FAT3: variants seen among roughly 807,000 people sequenced by gnomAD.
The protein encoded by FAT3 is protocadherin Fat 3.
In FAT3, 95 loss-of-function variants were observed where a neutral mutation model predicts 310.2. The ratio of observed to expected loss-of-function variants is 0.31; its 90% CI spans 0.26 to 0.36. The LOEUF is 0.36. Among genes scored for constraint, FAT3 ranks in the 10% least tolerant of loss-of-function variants. The pLI is 1.00. For synonymous variants in FAT3, 2,314 were observed against 2,192.9 expected, an observed-to-expected ratio of 1.06 and a Z score of -1.54; for missense variants, 5,408 against 5,715.6, an observed-to-expected ratio of 0.95 and a Z score of 1.74.
chr11:92,444,243 G>C (rs1341444233), intron 2 of FAT3, among the ~76,000 whole-genome samples: 1 of 152,060 alleles, frequency 6.6e-6, no homozygotes, highest in African/African-American at 2.4e-5. Context: ...TTCCAGAAGT[G>C]ACATGCTCAT....
At chr11:92,769,458 T>C (rs756254079) in intron 6 of FAT3, among the ~76,000 whole-genome samples, 1 of 152,196 alleles carries the variant, frequency 6.6e-6, no homozygotes, top group African/African-American at 2.4e-5. Flanking sequence ...TTACAGACTC[T>C]CTAATGTGCA....
At chr11:92,228,262 G>T (rs1051318978) in intron 1 of FAT3, among the ~76,000 whole-genome samples, 1 of 152,254 alleles carries the variant, frequency 6.6e-6, no homozygotes, top group African/African-American at 2.4e-5. Context: ...AAGCCTTTTA[G>T]AAATCTTTCT....
Position 92,229,512 on chromosome 11 carries a change from TTG to T in FAT3, c.-18+4340_-18+4341del, listed in dbSNP as rs1317139390. Among the ~76,000 whole-genome samples, 128 of 75,350 alleles carry T rather than the reference TTG, an allele frequency of 1.7e-3. 12 individuals are homozygous for T. The highest frequency in any genetic ancestry group is 3.3e-3 in the African/African-American group (82 of 24,672). 49.4% of individuals were successfully genotyped at this position (75,350 alleles called of 152,430 possible). A position where few individuals can be genotyped will look rare whatever the true frequency, so the allele number is the denominator to read the frequency against. ...TTCGTGTTTTTTTTTTTTTTGTTTT[TTG>T]TTTTTTTTTACATTGCCTCCCTTTC... On this transcript the variant is annotated intron_variant, in intron 1 of 27. Transcript: ENST00000525166.
intron 3 of FAT3, among the ~76,000 whole-genome samples, chr11:92,640,903 G>T (rs141810048): frequency 6.6e-6 from 1 of 152,054 alleles, no homozygotes; most frequent in African/African-American, 2.4e-5. Flanking sequence ...TAGATACTAC[G>T]TGATAGAAAA....
chr11:92,809,610 T>C (rs993015198), intron 12 of FAT3, among the ~76,000 whole-genome samples: 3 of 152,156 alleles, frequency 2.0e-5, no homozygotes, highest in African/African-American at 7.2e-5. Context: ...CAAAAAGGGA[T>C]TAATTAATTT....
chr11:92,715,415 TA>T (rs1052094315), intron 4 of FAT3, among the ~76,000 whole-genome samples: 1 of 150,592 alleles, frequency 6.6e-6, no homozygotes, highest in Admixed American at 6.6e-5. Context: ...CTCAAAAAAA[TA>T]AAAAAATAAA....
chr11:92,349,628 C>A (rs575179543), intron 1 of FAT3, among the ~76,000 whole-genome samples: 1 of 152,306 alleles, frequency 6.6e-6, no homozygotes, highest in African/African-American at 2.4e-5. Flanking sequence ...TAGGAACTTA[C>A]TGAGCAGGGT....
intron 2 of FAT3, among the ~76,000 whole-genome samples, chr11:92,442,619 T>C (rs1951101938): frequency 6.6e-6 from 1 of 152,136 alleles, no homozygotes; most frequent in African/African-American, 2.4e-5. Context: ...TCAGAGCTGA[T>C]GGCAAAGGGA....
chr11:92,524,384 A>G (rs899527344), intron 2 of FAT3, among the ~76,000 whole-genome samples: 19 of 152,234 alleles, frequency 1.2e-4, no homozygotes, highest in Admixed American at 1.1e-3. Flanking sequence ...AGAGATATCT[A>G]TCTCCAAAAT....
intron 2 of FAT3, among the ~76,000 whole-genome samples, chr11:92,492,533 T>A (rs750876894): frequency 8.5e-5 from 13 of 152,086 alleles, no homozygotes; most frequent in Non-Finnish European, 1.8e-4. Context: ...GTAGCTTTAT[T>A]ATTATTGCTA....
chr11:92,518,946 A>C (rs554042606), intron 2 of FAT3, among the ~76,000 whole-genome samples: 1 of 152,210 alleles, frequency 6.6e-6, no homozygotes, highest in South Asian at 2.1e-4. Flanking sequence ...AGTAGACTCA[A>C]AGCTGTCAAG....
At chr11:92,874,470 A>T (rs906647226) in intron 22 of FAT3, among the ~76,000 whole-genome samples, 1 of 152,202 alleles carries the variant, frequency 6.6e-6, no homozygotes, top group African/African-American at 2.4e-5. Context: ...GGGCTCAGTG[A>T]TAAGTTCTAA....
At chr11:92,680,943 A>T (rs1314295039) in intron 3 of FAT3, among the ~76,000 whole-genome samples, 1 of 152,246 alleles carries the variant, frequency 6.6e-6, no homozygotes, top group Non-Finnish European at 1.5e-5. Flanking sequence ...TTAGTGGTAG[A>T]GTCAAAAATG....
At chr11:92,237,051 G>A (rs573117969) in intron 1 of FAT3, among the ~76,000 whole-genome samples, 1 of 152,150 alleles carries the variant, frequency 6.6e-6, no homozygotes, top group Admixed American at 6.5e-5. Flanking sequence ...ACATTTAATT[G>A]TGTGTAAGGT....
intron 3 of FAT3, among the ~76,000 whole-genome samples, chr11:92,589,089 G>C (rs761721020): frequency 6.6e-6 from 1 of 151,998 alleles, no homozygotes; most frequent in Non-Finnish European, 1.5e-5. Flanking sequence ...ATCTCACTGG[G>C]TATTATCTTT....
At position 92,774,023 on chromosome 11, in the gene FAT3, T is replaced by C. The variant is rs201393875; in HGVS notation, c.4196-18T>C. 7.6e-5 allele frequency: 123 copies of C among 1,611,320 alleles called. No individual in the cohort carries two copies. Among genetic ancestry groups the C allele is most frequent in the Non-Finnish European group, 9.9e-5 (117 of 1,178,930 alleles). Reference sequence around the variant, plus strand: ...AGTTATCAGATTTGCTAATTTCATGTTTCTGTGAAATCATCAGGGGGGAAT... The same window carrying C: ...AGTTATCAGATTTGCTAATTTCATGCTTCTGTGAAATCATCAGGGGGGAAT... On this transcript the variant is annotated intron_variant, in intron 6 of 27. Coordinates refer to ENST00000525166, the MANE Select transcript of FAT3 (RefSeq NM_001367949.2).
chr11:92,769,654 A>G (rs1301565413), intron 6 of FAT3, among the ~76,000 whole-genome samples: 1 of 152,234 alleles, frequency 6.6e-6, no homozygotes, highest in Admixed American at 6.5e-5. Context: ...CTTTGTAAAT[A>G]GTAAGCACCT....
intron 5 of FAT3, among the ~76,000 whole-genome samples, chr11:92,764,578 AT>A (rs1946254313): frequency 6.6e-6 from 1 of 152,164 alleles, no homozygotes; most frequent in Non-Finnish European, 1.5e-5. Context: ...TCATATAACT[AT>A]TATTCAGGCC....
intron 2 of FAT3, among the ~76,000 whole-genome samples, chr11:92,361,352 G>A (rs945514111): frequency 2.0e-5 from 3 of 152,254 alleles, no homozygotes; most frequent in Admixed American, 6.5e-5. Context: ...TGTCCTAAAT[G>A]TTTGTGCACC....
Sources: allele counts gnomAD v4.1 joint callset (sites outside exome capture counted in the v4.1 genomes callset), GRCh38; gene constraint gnomAD v4.1.1; transcripts MANE v1.5; gene names NCBI Gene and HGNC (gene_info 2026-07-23, HGNC 2026-07-21).